Variants in PCDH15 observed in about 807,000 individuals in gnomAD.
PCDH15 encodes the protein protocadherin related 15.
A neutral mutation model predicts 178.5 loss-of-function variants in PCDH15; 129 were observed. The observed-to-expected ratio is 0.72, with a 90% confidence interval of 0.63 to 0.84. The LOEUF (loss-of-function observed/expected upper bound fraction) is 0.84. PCDH15 is among the 40% of genes least tolerant of loss of function. The probability of loss-of-function intolerance (pLI) is 0.00; values close to 1 mark genes in which losing one functional copy is unlikely to be tolerated. For synonymous variants in PCDH15, 800 were observed against 732.0 expected (o/e 1.09, Z -1.50); for missense variants, 2,230 against 2,099.9 (o/e 1.06, Z -1.21).
intron 1 of PCDH15, among the ~76,000 whole-genome samples, chr10:55,266,879 C>T (rs1842312625): frequency 2.6e-5 from 4 of 152,150 alleles, no homozygotes; most frequent in South Asian, 2.1e-4. Flanking sequence ...TAACACAAGC[C>T]GCCTATAGAT....
chr10:54,256,262 A>AT (rs2056889526), intron 8 of PCDH15, among the ~76,000 whole-genome samples: 2 of 152,172 alleles, frequency 1.3e-5, no homozygotes, highest in African/African-American at 2.4e-5. Context: ...GGCAGAAAAG[A>AT]TAAAAAAAAG....
intron 1 of PCDH15, among the ~76,000 whole-genome samples, chr10:54,764,712 A>G (rs375473343): frequency 9.9e-5 from 15 of 152,220 alleles, no homozygotes; most frequent in East Asian, 9.7e-4. Flanking sequence ...TGCAGGATCA[A>G]TTCAAAATGG....
rs936847181 is a variant in PCDH15 at position 54,292,372 on chromosome 10, A to G, written c.876+24899T>C. Reference sequence around the variant, plus strand: ...AAACCCACAGCCAATATCATACTGGATGGGCAAAAAATGGAAGCATTCCTT... The same window carrying G: ...AAACCCACAGCCAATATCATACTGGGTGGGCAAAAAATGGAAGCATTCCTT... On this transcript the variant is annotated intron_variant, in intron 8 of 37. Coordinates refer to ENST00000644397, the MANE Select transcript of PCDH15 (RefSeq NM_001384140.1). Among the ~76,000 whole-genome samples, 6 of 152,324 alleles carry G rather than the reference A, an allele frequency of 3.9e-5. No homozygotes were observed. The East Asian group carries it at 1.2e-3, about 29-fold the overall frequency.
chr10:55,399,272 T>C (rs1435094292), intron 2 of PCDH15, among the ~76,000 whole-genome samples: 1 of 152,146 alleles, frequency 6.6e-6, no homozygotes, highest in African/African-American at 2.4e-5. Context: ...AGAAACAAAT[T>C]TGAAATAATC....
chr10:55,071,374 T>C (rs1476145842), intron 2 of PCDH15, among the ~76,000 whole-genome samples: 1 of 152,064 alleles, frequency 6.6e-6, no homozygotes, highest in African/African-American at 2.4e-5. Context: ...GAGACACACA[T>C]AGGCTCAAAG....
At chr10:54,933,347 A>C (rs944987186) in intron 2 of PCDH15, among the ~76,000 whole-genome samples, 7 of 152,192 alleles carry the variant, frequency 4.6e-5, no homozygotes, top group Non-Finnish European at 1.0e-4. Context: ...ATGTAAAAAA[A>C]AATGTGTTTT....
At chr10:55,472,084 T>C (rs1161426810) in intron 2 of PCDH15, among the ~76,000 whole-genome samples, 6 of 152,192 alleles carry the variant, frequency 3.9e-5, no homozygotes, top group African/African-American at 7.2e-5. Context: ...TTCATAGTGG[T>C]AACTTGCTCG....
intron 2 of PCDH15, among the ~76,000 whole-genome samples, chr10:55,568,199 T>C (rs1842340799): frequency 6.6e-6 from 1 of 152,020 alleles, no homozygotes; most frequent in Non-Finnish European, 1.5e-5. Context: ...AATGTGGTTT[T>C]TGTATACAAC....
chr10:53,810,499 G>C, intron 37 of PCDH15, 57 bp downstream of exon 37: 2 of 1,481,342 alleles, frequency 1.4e-6, no homozygotes, highest in Non-Finnish European at 1.9e-6. Flanking sequence ...AGTCACGTAG[G>C]GTTAAACAAT....
chr10:54,477,628 A>G (rs1293189472), intron 3 of PCDH15, among the ~76,000 whole-genome samples: 1 of 152,110 alleles, frequency 6.6e-6, no homozygotes, highest in African/African-American at 2.4e-5. Flanking sequence ...ACAGAGTCTC[A>G]CTCTATCACC....
chr10:54,748,154 T>G (rs1408302175), intron 1 of PCDH15, among the ~76,000 whole-genome samples: 1 of 152,128 alleles, frequency 6.6e-6, no homozygotes, highest in East Asian at 1.9e-4. Context: ...CTAGAGCCCT[T>G]CACTCAAGAC....
intron 2 of PCDH15, among the ~76,000 whole-genome samples, chr10:55,348,913 G>A (rs1844834666): frequency 6.6e-6 from 1 of 152,128 alleles, no homozygotes; most frequent in African/African-American, 2.4e-5. Flanking sequence ...CAAGCAAGAG[G>A]TGAGTAATTT....
chr10:55,529,988 A>G (rs1284876372), intron 2 of PCDH15, among the ~76,000 whole-genome samples: 1 of 151,448 alleles, frequency 6.6e-6, no homozygotes, highest in Non-Finnish European at 1.5e-5. Flanking sequence ...TTTAAAGCAT[A>G]AAAAAACAAT....
chr10:54,998,767 G>A (rs1425681139), intron 2 of PCDH15, among the ~76,000 whole-genome samples: 2 of 152,042 alleles, frequency 1.3e-5, no homozygotes, highest in Non-Finnish European at 2.9e-5. Flanking sequence ...CTGTTTATTA[G>A]TACCAGCACT....
intron 1 of PCDH15, among the ~76,000 whole-genome samples, chr10:54,676,744 C>T (rs2094797236): frequency 6.6e-6 from 1 of 152,126 alleles, no homozygotes; most frequent in Non-Finnish European, 1.5e-5. Flanking sequence ...AGTCTACTAT[C>T]TTACGATTCA....
intron 8 of PCDH15, among the ~76,000 whole-genome samples, chr10:54,240,452 G>C (rs915645361): frequency 6.6e-6 from 1 of 151,830 alleles, no homozygotes; most frequent in African/African-American, 2.4e-5. Flanking sequence ...TTGAAAAATA[G>C]TATCCTTATA....
chr10:55,198,007 T>G (rs148314191), intron 1 of PCDH15, among the ~76,000 whole-genome samples: 1 of 152,272 alleles, frequency 6.6e-6, no homozygotes, highest in Non-Finnish European at 1.5e-5. Flanking sequence ...AAGGGAAATC[T>G]GTGGTTCTGT....
intron 2 of PCDH15, among the ~76,000 whole-genome samples, chr10:54,535,485 C>T (rs550819496): frequency 8.7e-4 from 132 of 151,980 alleles, no homozygotes; most frequent in South Asian, 2.3e-3. Flanking sequence ...CCGAGACAGG[C>T]GGATCACAAG....
intron 5 of PCDH15, among the ~76,000 whole-genome samples, 199 bp from the exon 6 acceptor site, chr10:54,346,683 G>C (rs1311587039): frequency 2.0e-5 from 3 of 152,258 alleles, no homozygotes; most frequent in Admixed American, 1.3e-4. Flanking sequence ...GTCCAACTTT[G>C]TGATTCTTGC....
Sources: gnomAD v4.1 joint callset for allele counts (sites outside exome capture counted in the v4.1 genomes callset) on GRCh38, gnomAD v4.1.1 for gene constraint, MANE v1.5 for transcripts, NCBI Gene and HGNC (gene_info 2026-07-23, HGNC 2026-07-21) for gene names.